RTL4: variants seen among roughly 807,000 people sequenced by gnomAD.
RTL4 encodes retrotransposon Gag-like protein 4.
A neutral mutation model predicts 5.3 loss-of-function variants in RTL4; 4 were observed. The ratio of observed to expected loss-of-function variants is 0.75; its 90% confidence interval spans 0.37 to 1.72. The LOEUF (loss-of-function observed/expected upper bound fraction) is 1.72. Ranked by LOEUF, RTL4 falls within the 40% of genes most tolerant of loss-of-function variation. RTL4 has a pLI of 0.04. For missense variants in RTL4, 260 were observed against 227.1 expected, an observed-to-expected ratio of 1.14 and a Z score of -0.93; for synonymous variants, 98 against 87.3, an observed-to-expected ratio of 1.12 and a Z score of -0.68.
At chrX:112,241,003 A>C in the RTL4 span, among the ~76,000 whole-genome samples, 1 of 111,189 alleles carries the variant, frequency 9.0e-6, no homozygotes, top group African/African-American at 3.3e-5. Flanking sequence ...TGAACTCATC[A>C]TTTTTTATGG....
chrX:112,382,284 A>G, the RTL4 span: 1 of 787,265 alleles, frequency 1.3e-6, no homozygotes, highest in Non-Finnish European at 1.8e-6. Flanking sequence ...TGCTACATTA[A>G]CCTGGTTAGA....
chrX:112,235,683 A>G, the RTL4 span, among the ~76,000 whole-genome samples: 1 of 111,373 alleles, frequency 9.0e-6, no homozygotes, highest in Non-Finnish European at 1.9e-5. Context: ...CCAATTCAGA[A>G]CTCTTTAAGG....
chrX:112,237,980 C>A, the RTL4 span, among the ~76,000 whole-genome samples: 1 of 112,020 alleles, frequency 8.9e-6, no homozygotes, highest in Non-Finnish European at 1.9e-5. Flanking sequence ...AACACTTCTT[C>A]AGAGAAAATC....
the RTL4 span, among the ~76,000 whole-genome samples, chrX:112,240,689 A>G: frequency 1.8e-5 from 2 of 111,461 alleles, no homozygotes; most frequent in Non-Finnish European, 3.8e-5. Flanking sequence ...TATTTATTTT[A>G]TTATACTTTA....
At chrX:112,389,260 A>T in the RTL4 span, among the ~76,000 whole-genome samples, 1 of 101,929 alleles carries the variant, frequency 9.8e-6, no homozygotes, top group Non-Finnish European at 2.0e-5. Context: ...ATCATTTCTA[A>T]TTGTGTTTAC....
the RTL4 span, among the ~76,000 whole-genome samples, chrX:112,336,070 C>T: frequency 9.0e-6 from 1 of 110,824 alleles, no homozygotes; most frequent in African/African-American, 3.3e-5. Context: ...GCTGGGATTA[C>T]AGGCCTGAGC....
chrX:112,313,836 G>A, the RTL4 span, among the ~76,000 whole-genome samples: 1 of 110,601 alleles, frequency 9.0e-6, no homozygotes, highest in East Asian at 2.8e-4. Flanking sequence ...AAGTCATAAA[G>A]ATGGATGTCA....
At chrX:112,334,751 CTT>C in the RTL4 span, among the ~76,000 whole-genome samples, 1 of 111,462 alleles carries the variant, frequency 9.0e-6, no homozygotes, top group African/African-American at 3.3e-5. Flanking sequence ...TGTCTTATGT[CTT>C]TTTAATTTCT....
chrX:112,211,646 T>C, the RTL4 span, among the ~76,000 whole-genome samples: 1 of 112,032 alleles, frequency 8.9e-6, no homozygotes, highest in Non-Finnish European at 1.9e-5. Context: ...CAGCCCACAA[T>C]GACTCAACAG....
the RTL4 span, among the ~76,000 whole-genome samples, chrX:112,131,827 AAT>A: frequency 9.0e-6 from 1 of 111,453 alleles, no homozygotes; most frequent in Non-Finnish European, 1.9e-5. Context: ...AAATAGAGGG[AAT>A]ACAAAACAGG....
chrX:112,203,659 G>A, the RTL4 span, among the ~76,000 whole-genome samples: 1 of 111,285 alleles, frequency 9.0e-6, no homozygotes, highest in African/African-American at 3.3e-5. Context: ...CAGCTATATA[G>A]CTATATAGTA....
At chrX:112,307,950 C>T in the RTL4 span, among the ~76,000 whole-genome samples, 1 of 111,341 alleles carries the variant, frequency 9.0e-6, no homozygotes, top group African/African-American at 3.3e-5. Flanking sequence ...TGTATTAGCC[C>T]CATTTGATAG....
the RTL4 span, among the ~76,000 whole-genome samples, chrX:112,161,844 C>CCTTCCTTCCTTCCTTCCTTT: frequency 1.2e-4 from 5 of 40,075 alleles, no homozygotes; most frequent in African/African-American, 5.9e-4. Flanking sequence ...TTCCTTCCTT[C>CCTTCCTTCCTTCCTTCCTTT]CTTTCTTTCT....
At chrX:112,103,292 C>T in the RTL4 span, among the ~76,000 whole-genome samples, 1 of 110,652 alleles carries the variant, frequency 9.0e-6, no homozygotes, top group Non-Finnish European at 1.9e-5. Flanking sequence ...AGCTGGGAGC[C>T]ATTATCCTCA....
chrX:112,161,839 TCC>T, the RTL4 span, among the ~76,000 whole-genome samples: 260 of 44,184 alleles, frequency 5.9e-3, 5 homozygotes, highest in East Asian at 0.096. Context: ...CTTCCTTCCT[TCC>T]TTCCTTTCTT....
chrX:112,101,068 C>T, the RTL4 span, among the ~76,000 whole-genome samples: 1 of 111,745 alleles, frequency 8.9e-6, no homozygotes, highest in African/African-American at 3.2e-5. Flanking sequence ...TTGTGGCCTA[C>T]ATGGAACACA....
At chrX:112,432,116 A>C in the RTL4 span, among the ~76,000 whole-genome samples, 229 of 104,338 alleles carry the variant, frequency 2.2e-3, no homozygotes, top group African/African-American at 7.6e-3. Flanking sequence ...ACATTTTCTT[A>C]ATCCAGTCTA....
At chrX:112,104,780 A>C in the RTL4 span, among the ~76,000 whole-genome samples, 2 of 111,410 alleles carry the variant, frequency 1.8e-5, no homozygotes, top group African/African-American at 6.5e-5. Context: ...TGAGTTTCTT[A>C]TATATCTTGA....
chrX:112,135,403 T>C, the RTL4 span, among the ~76,000 whole-genome samples: 1 of 111,550 alleles, frequency 9.0e-6, no homozygotes, highest in Non-Finnish European at 1.9e-5. Flanking sequence ...TATGGGCAAT[T>C]GTTTTCCTTA....
Sources: gnomAD v4.1 joint callset for allele counts (sites outside exome capture counted in the v4.1 genomes callset) on GRCh38, gnomAD v4.1.1 for gene constraint, MANE v1.5 for transcripts, NCBI Gene and HGNC (gene_info 2026-07-23, HGNC 2026-07-21) for gene names.